MAPK10: variants seen among roughly 807,000 people sequenced by gnomAD.
MAPK10 encodes the protein mitogen-activated protein kinase 10.
Under a neutral mutation model 59.3 loss-of-function variants are expected in MAPK10, and 25 were observed. That is an observed-to-expected ratio of 0.42 (90% CI 0.31 to 0.59). The LOEUF (loss-of-function observed/expected upper bound fraction) is 0.59. Ranked by LOEUF, MAPK10 falls within the 20% of genes least tolerant of loss-of-function variation. MAPK10 has a pLI of 0.15. For missense variants in MAPK10, 351 were observed against 568.9 expected, an observed-to-expected ratio of 0.62 and a Z score of 3.90; for synonymous variants, 190 against 200.5, an observed-to-expected ratio of 0.95 and a Z score of 0.44.
At chr4:86,119,027 GT>G (rs1379976060) in intron 4 of MAPK10, among the ~76,000 whole-genome samples, 1 of 151,992 alleles carries the variant, frequency 6.6e-6, no homozygotes, top group Non-Finnish European at 1.5e-5. Flanking sequence ...GCTTTTTTTA[GT>G]TTTTCTATCA....
At chr4:86,142,680 A>G (rs978471889) in intron 4 of MAPK10, among the ~76,000 whole-genome samples, 8 of 152,206 alleles carry the variant, frequency 5.3e-5, no homozygotes, top group Non-Finnish European at 1.2e-4. Context: ...TAAAACCCAC[A>G]CTGATTTGAA....
intron 2 of MAPK10, among the ~76,000 whole-genome samples, chr4:86,260,357 G>T (rs977085100): frequency 6.6e-6 from 1 of 151,928 alleles, no homozygotes; most frequent in African/African-American, 2.4e-5. Context: ...TGTAACATGT[G>T]GAATTATTAG....
intron 1 of MAPK10, among the ~76,000 whole-genome samples, chr4:86,435,537 T>C (rs1748610486): frequency 6.6e-6 from 1 of 152,144 alleles, no homozygotes; most frequent in Admixed American, 6.5e-5. Context: ...TATATGTATA[T>C]TTTACCTTAA....
At chr4:86,290,800 A>G (rs957093849) in intron 2 of MAPK10, among the ~76,000 whole-genome samples, 3 of 152,190 alleles carry the variant, frequency 2.0e-5, no homozygotes, top group Admixed American at 2.0e-4. Flanking sequence ...TTTCATTTTT[A>G]AATCTAAGCT....
chr4:86,350,125 C>T (rs892648201), intron 2 of MAPK10, among the ~76,000 whole-genome samples: 8 of 152,146 alleles, frequency 5.3e-5, no homozygotes, highest in Non-Finnish European at 8.8e-5. Flanking sequence ...AATCTCGATT[C>T]AATGCAACCT....
intron 3 of MAPK10, among the ~76,000 whole-genome samples, chr4:86,184,186 T>G (rs1471886012): frequency 1.3e-5 from 2 of 152,164 alleles, no homozygotes; most frequent in African/African-American, 4.8e-5. Flanking sequence ...TGCCATTGCT[T>G]TTGGTGTTTT....
At chr4:86,383,848 C>A (rs1463297394) in intron 1 of MAPK10, among the ~76,000 whole-genome samples, 1 of 152,128 alleles carries the variant, frequency 6.6e-6, no homozygotes, top group Non-Finnish European at 1.5e-5. Flanking sequence ...ACTTCACACA[C>A]AATTGAAAGG....
intron 1 of MAPK10, among the ~76,000 whole-genome samples, chr4:86,388,136 A>C (rs1741742913): frequency 6.6e-6 from 1 of 151,818 alleles, no homozygotes; most frequent in Non-Finnish European, 1.5e-5. Context: ...AAGAACCACA[A>C]TCTGTGATGT....
At chr4:86,394,838 C>T (rs566884655) in intron 1 of MAPK10, among the ~76,000 whole-genome samples, 7 of 152,250 alleles carry the variant, frequency 4.6e-5, no homozygotes, top group African/African-American at 1.2e-4. Flanking sequence ...GCACTATGCT[C>T]GGGGATAATG....
chr4:86,527,337 A>T (rs1013343150), intron 1 of MAPK10, among the ~76,000 whole-genome samples: 1 of 148,728 alleles, frequency 6.7e-6, no homozygotes, highest in Non-Finnish European at 1.5e-5. Flanking sequence ...AAAAAAAAAA[A>T]AAAGTAGGCA....
intron 3 of MAPK10, among the ~76,000 whole-genome samples, chr4:86,178,936 C>T (rs1384860708): frequency 1.3e-5 from 2 of 152,108 alleles, no homozygotes; most frequent in Non-Finnish European, 1.5e-5. Context: ...GGTGTGGTGG[C>T]TCATGCTTAT....
chr4:86,017,179 C>T lies in MAPK10; in HGVS notation c.*49G>A. On this transcript the variant is annotated 3_prime_UTR_variant, in exon 14 of 14. Coordinates refer to ENST00000641462, the MANE Select transcript of MAPK10 (RefSeq NM_138982.4). This position sits in a 1 kb window ranked among gnomAD's most constrained non-coding sequence, Gnocchi z 4.4. ...TGTGTGTCTGCGTGTGTGTGTGTTC[C>T]ATCACATCATCTCCTGAAGAACGCT... The T allele has an allele frequency of 6.3e-7, 1 of 1,593,358 alleles. No individual in the cohort carries two copies. Among genetic ancestry groups the T allele is most frequent in the Non-Finnish European group, 8.6e-7 (1 of 1,168,102 alleles).
intron 4 of MAPK10, among the ~76,000 whole-genome samples, chr4:86,118,317 T>C (rs1197477284): frequency 2.0e-5 from 3 of 152,184 alleles, no homozygotes; most frequent in Non-Finnish European, 4.4e-5. Flanking sequence ...TTTCTTTCAG[T>C]ATTTTTTTCT....
chr4:86,385,903 C>T (rs1347036265), intron 1 of MAPK10, among the ~76,000 whole-genome samples: 1 of 152,148 alleles, frequency 6.6e-6, no homozygotes, highest in African/African-American at 2.4e-5. Flanking sequence ...GACTATAGCA[C>T]ACATGCATAC....
At chr4:86,183,897 T>A (rs897930222) in intron 3 of MAPK10, among the ~76,000 whole-genome samples, 18 of 152,340 alleles carry the variant, frequency 1.2e-4, no homozygotes, top group African/African-American at 4.3e-4. Flanking sequence ...CCAGAGATGA[T>A]GAGCATTTTT....
chr4:86,398,034 C>T (rs1045458718), intron 1 of MAPK10, among the ~76,000 whole-genome samples: 4 of 151,924 alleles, frequency 2.6e-5, no homozygotes, highest in Non-Finnish European at 5.9e-5. Flanking sequence ...CAAACTATCA[C>T]GACTCCTAAC....
intron 1 of MAPK10, among the ~76,000 whole-genome samples, chr4:86,575,368 G>A (rs1010496398): frequency 3.3e-5 from 5 of 152,212 alleles, no homozygotes; most frequent in East Asian, 3.9e-4. Context: ...TTATGGAATC[G>A]GATGGGAAAG....
intron 1 of MAPK10, among the ~76,000 whole-genome samples, chr4:86,584,589 G>A (rs1250627837): frequency 3.3e-5 from 5 of 152,012 alleles, no homozygotes; most frequent in Admixed American, 2.6e-4. Flanking sequence ...GACTATAGGT[G>A]CACACCACTA....
chr4:86,427,508 C>T (rs1747460406), intron 1 of MAPK10, among the ~76,000 whole-genome samples: 1 of 152,124 alleles, frequency 6.6e-6, no homozygotes. Flanking sequence ...TTCTTTGTCT[C>T]ATTTATCTCT....
Sources: allele counts gnomAD v4.1 joint callset (sites outside exome capture counted in the v4.1 genomes callset), GRCh38; gene constraint gnomAD v4.1.1; non-coding constraint Gnocchi (gnomAD v3.1); transcripts MANE v1.5; gene names NCBI Gene and HGNC (gene_info 2026-07-23, HGNC 2026-07-21).